Variants in JAK1 observed in about 807,000 individuals in gnomAD.
JAK1 encodes tyrosine-protein kinase JAK1.
JAK1 carries 16 observed loss-of-function variants against 136.6 expected under a neutral mutation model. That is an observed-to-expected ratio of 0.12 (90% CI 0.08 to 0.18). The LOEUF (loss-of-function observed/expected upper bound fraction) is 0.18. Among genes scored for constraint, JAK1 ranks in the 10% least tolerant of loss-of-function variants. The pLI is 1.00. For missense variants in JAK1, 859 were observed against 1,450.1 expected, an observed-to-expected ratio of 0.59 and a Z score of 6.62; for synonymous variants, 492 against 519.5, an observed-to-expected ratio of 0.95 and a Z score of 0.72.
chr1:64,937,887 CT>C (rs375954663), intron 1 of JAK1, among the ~76,000 whole-genome samples: 8 of 148,688 alleles, frequency 5.4e-5, no homozygotes, highest in Non-Finnish European at 7.5e-5. Flanking sequence ...TCAAAATCTT[CT>C]TTTTTTTTTG....
intron 17 of JAK1, 83 bp downstream of exon 17, chr1:64,843,981 G>A: frequency 6.6e-7 from 1 of 1,507,266 alleles, no homozygotes; most frequent in South Asian, 1.2e-5. Flanking sequence ...TTCCCACAGT[G>A]CCAGGCTTCC....
chr1:64,934,337 T>C (rs1645749888), intron 1 of JAK1, among the ~76,000 whole-genome samples: 1 of 152,178 alleles, frequency 6.6e-6, no homozygotes, highest in Non-Finnish European at 1.5e-5. Flanking sequence ...AAGAACCTCT[T>C]GTCACAGCTC....
chr1:64,857,002 T>C (rs1174225482), intron 10 of JAK1, among the ~76,000 whole-genome samples: 1 of 152,230 alleles, frequency 6.6e-6, no homozygotes, highest in Non-Finnish European at 1.5e-5. Context: ...TTCCACTTTG[T>C]AGTTTTTTTA....
At chr1:64,866,820 G>A in intron 7 of JAK1, 46 bp downstream of exon 7, 3 of 1,407,174 alleles carry the variant, frequency 2.1e-6, no homozygotes, top group East Asian at 2.3e-5. Context: ...CATACGCTAT[G>A]TGACACGGGA....
Position 65,063,953 on chromosome 1 carries a change from G to A in JAK1, c.-181+3651C>T, listed in dbSNP as rs560188916. Among the ~76,000 whole-genome samples, 3 of 152,146 alleles carry A rather than the reference G, an allele frequency of 2.0e-5. No homozygotes were observed. The East Asian group carries it at 5.8e-4, about 29-fold the overall frequency. On this transcript the variant is annotated intron_variant, in intron 1 of 25. Coordinates refer to the JAK1 transcript ENST00000671954. ...TCTCTAGTAGCCACACTAATAAACA[G>A]GTGGAATTAATAGCATATTCATTTA...
At chr1:64,846,958 AC>A in intron 13 of JAK1, 1 of 569,868 alleles carries the variant, frequency 1.8e-6, no homozygotes, top group Non-Finnish European at 3.1e-6. Flanking sequence ...AGAAAACCTA[AC>A]AGGATGCAGA....
intron 2 of JAK1, among the ~76,000 whole-genome samples, chr1:65,037,443 T>C (rs1647085100): frequency 1.3e-5 from 2 of 152,182 alleles, no homozygotes; most frequent in Admixed American, 1.3e-4. Flanking sequence ...GCCCAGCTTG[T>C]ATTAAGTTCT....
chr1:64,962,604 T>C (rs1646301286), intron 1 of JAK1, among the ~76,000 whole-genome samples: 1 of 152,214 alleles, frequency 6.6e-6, no homozygotes. Flanking sequence ...TTCCGGTCCC[T>C]GAAACCCAGT....
chr1:64,854,724 G>A (rs190624134), intron 11 of JAK1, among the ~76,000 whole-genome samples: 1 of 152,116 alleles, frequency 6.6e-6, no homozygotes, highest in East Asian at 1.9e-4. Flanking sequence ...GGCCCCTACA[G>A]CCTGCAGGAT....
At chr1:64,985,394 A>G in intron 2 of JAK1, 1 of 1,610,822 alleles carries the variant, frequency 6.2e-7, no homozygotes, top group Middle Eastern at 1.7e-4. Context: ...CTTGGGATAC[A>G]TCCTGGGTGC....
rs147510908 is a variant in JAK1, at chr1:64,936,967, G to C, written c.-78+29366C>G. ...TATATGTGAAAAAGAATACAAAGCA[G>C]TGCATTTACAATCATCCTAAATGCC... On this transcript the variant is annotated intron_variant, in intron 1 of 24. Transcript: ENST00000342505. Among the ~76,000 whole-genome samples, 387 of 150,804 alleles carry C rather than the reference G, an allele frequency of 2.6e-3. 3 individuals carry two copies. The highest frequency in any genetic ancestry group is 3.8e-3 in the South Asian group (18 of 4,774).
At chr1:64,866,683 A>G (rs980751273) in intron 7 of JAK1, among the ~76,000 whole-genome samples, 183 bp downstream of exon 7, 1 of 152,226 alleles carries the variant, frequency 6.6e-6, no homozygotes, top group African/African-American at 2.4e-5. Context: ...ACATAACTCA[A>G]TAAATACTTA....
At chr1:64,938,752 A>C (rs1317216493) in intron 1 of JAK1, among the ~76,000 whole-genome samples, 1 of 152,218 alleles carries the variant, frequency 6.6e-6, no homozygotes, top group Non-Finnish European at 1.5e-5. Context: ...GAAACTGAGA[A>C]ATGCCTCCTC....
intron 2 of JAK1, among the ~76,000 whole-genome samples, chr1:65,018,668 A>G (rs952587237): frequency 5.3e-5 from 8 of 152,210 alleles, no homozygotes; most frequent in African/African-American, 1.9e-4. Flanking sequence ...CAAACCTTAT[A>G]AAGATATTTT....
intron 1 of JAK1, among the ~76,000 whole-genome samples, chr1:64,950,032 A>G (rs1646054156): frequency 1.3e-5 from 2 of 152,254 alleles, no homozygotes; most frequent in African/African-American, 4.8e-5. Context: ...TTAAAATTAC[A>G]TAATACAGTA....
Position 64,902,551 on chromosome 1 carries a change from TGAGAGA to T in JAK1, c.-77-16216_-77-16211del, listed in dbSNP as rs142393341. On this transcript the variant is annotated intron_variant, in intron 1 of 24. Coordinates refer to ENST00000342505, the MANE Select transcript of JAK1 (RefSeq NM_002227.4). ...CATGGTGCCTTTACTCATGAATTTGTGAGAGAGAGAGAGAGAGAGAGAGAGAGAGAG... is the reference window on the plus strand; with the variant it reads ...CATGGTGCCTTTACTCATGAATTTGTGAGAGAGAGAGAGAGAGAGAGAGAG... Among the ~76,000 whole-genome samples the T allele has an allele frequency of 3.4e-3, 353 of 102,432 alleles. 2 individuals carry two copies. Among genetic ancestry groups the T allele is most frequent in the African/African-American group, 0.015 (332 of 21,452 alleles). The allele number at this position is 102,432 out of a possible 152,430, so 67.2% of individuals were successfully genotyped here.
intron 2 of JAK1, chr1:64,985,931 A>G: frequency 2.3e-6 from 2 of 867,416 alleles, no homozygotes; most frequent in South Asian, 1.4e-5. Flanking sequence ...ACAACATCTC[A>G]GAGGGAGGGG....
intron 1 of JAK1, among the ~76,000 whole-genome samples, chr1:64,902,091 T>C (rs1240634715): frequency 6.6e-6 from 1 of 152,204 alleles, no homozygotes; most frequent in Non-Finnish European, 1.5e-5. Flanking sequence ...ATCAGGGGTG[T>C]ATTCTTTATC....
rs551811786 is a variant in JAK1, at chr1:64,869,923, G to C, written c.484-449C>G. Among the ~76,000 whole-genome samples, 3 of 152,180 alleles carry C rather than the reference G, an allele frequency of 2.0e-5. No homozygotes were observed. In the South Asian group the frequency reaches 6.2e-4, roughly 32 times the overall value. ...CCCTCCATTCTGGTGTAGCTCTAGGGAAAGGGGAACGTTCCGCAGTGCATC... is the reference window on the plus strand; with the variant it reads ...CCCTCCATTCTGGTGTAGCTCTAGGCAAAGGGGAACGTTCCGCAGTGCATC... On this transcript the variant is annotated intron_variant, in intron 5 of 24. Transcript: ENST00000342505.
Sources: gnomAD v4.1 joint callset for allele counts (sites outside exome capture counted in the v4.1 genomes callset) on GRCh38, gnomAD v4.1.1 for gene constraint, MANE v1.5 for transcripts, NCBI Gene and HGNC (gene_info 2026-07-23, HGNC 2026-07-21) for gene names.